The following NEK10 variants were observed in gnomAD, a reference collection of about 807,000 sequenced individuals.
The protein encoded by NEK10 is serine/threonine-protein kinase Nek10.
Under a neutral mutation model 159.8 loss-of-function variants are expected in NEK10, and 122 were observed. That is an observed-to-expected ratio of 0.76 (90% CI 0.66 to 0.89). NEK10 has a LOEUF of 0.89. Among genes scored for constraint, NEK10 ranks in the 40% least tolerant of loss-of-function variants. NEK10 has a pLI of 0.00. For synonymous variants in NEK10, 466 were observed against 457.1 expected, an observed-to-expected ratio of 1.02 and a Z score of -0.25; for missense variants, 1,342 against 1,323.1, an observed-to-expected ratio of 1.01 and a Z score of -0.22.
At chr3:27,274,102 C>T (rs748077126) in intron 22 of NEK10, among the ~76,000 whole-genome samples, 35 of 152,114 alleles carry the variant, frequency 2.3e-4, no homozygotes, top group Non-Finnish European at 4.3e-4. Flanking sequence ...AAAGAGTAGG[C>T]GGCAGGTGTT....
chr3:27,278,857 T>C, intron 22 of NEK10: 1 of 984,920 alleles, frequency 1.0e-6, no homozygotes, highest in Non-Finnish European at 1.2e-6. Flanking sequence ...ATGGACCTTA[T>C]TTGGCAAGTG....
intron 18 of NEK10, 136 bp from the exon 19 acceptor site, chr3:27,290,890 G>A (rs1210609770): frequency 1.5e-6 from 1 of 682,372 alleles, no homozygotes; most frequent in African/African-American, 1.9e-5. Context: ...AGCATTTAAA[G>A]TTCCAGCTGT....
chr3:27,258,463 A>G (rs1209991635), intron 22 of NEK10, among the ~76,000 whole-genome samples: 1 of 149,294 alleles, frequency 6.7e-6, no homozygotes, highest in African/African-American at 2.5e-5. Context: ...GAGTGAGAAC[A>G]TGCGGTGTTT....
intron 1 of NEK10, among the ~76,000 whole-genome samples, chr3:27,359,201 CAAAAAAAA>C (rs5847459): frequency 7.4e-6 from 1 of 135,110 alleles, no homozygotes; most frequent in Non-Finnish European, 1.6e-5. Flanking sequence ...AACTCCATTT[CAAAAAAAA>C]AAAAAAAATC....
At chr3:27,119,160 C>A (rs1386731466) in intron 33 of NEK10, among the ~76,000 whole-genome samples, 1 of 152,166 alleles carries the variant, frequency 6.6e-6, no homozygotes, top group Non-Finnish European at 1.5e-5. Flanking sequence ...TCACTATAAC[C>A]TTGTGATGCA....
intron 5 of NEK10, among the ~76,000 whole-genome samples, chr3:27,335,404 T>C (rs571477069): frequency 4.1e-5 from 6 of 148,006 alleles, no homozygotes; most frequent in African/African-American, 1.5e-4. Flanking sequence ...AATACAATAA[T>C]AGCGAGGGAC....
At position 27,346,163 on chromosome 3, in the gene NEK10, G is replaced by A. The variant is rs779699091; in HGVS notation, c.186C>T (p.Pro62=). ...SAQNSMTKSE[P]AIRAGGHRAR... is the part of the protein sequence containing the mutation. The stretch of plus-strand genomic sequence containing the variant: ...CTCTGTGTCCACCCGCCCTGATGGC[G>A]GGCTCAGACTTCGTCATGCTATTTT... The change falls in exon 4 of 36, where the codon CCC becomes CCT. Residue 62 remains proline (P), a synonymous_variant. Transcript: ENST00000691995. 3.7e-5 allele frequency: 60 copies of A among 1,613,544 alleles called. No homozygotes were observed. The highest frequency in any genetic ancestry group is 3.3e-4 in the Middle Eastern group (2 of 6,082).
intron 31 of NEK10, among the ~76,000 whole-genome samples, chr3:27,134,977 G>A (rs1943034489): frequency 6.6e-6 from 1 of 152,244 alleles, no homozygotes; most frequent in Admixed American, 6.5e-5. Context: ...TATAAAGCAA[G>A]TACTATTTTA....
chr3:27,162,701 C>T lies in NEK10; in HGVS notation c.2869G>A (p.Ala957Thr). 2 of 1,613,868 alleles carry T rather than the reference C, an allele frequency of 1.2e-6. No homozygotes were observed. The highest frequency in any genetic ancestry group is 1.7e-6 in the Non-Finnish European group (2 of 1,179,802). ...TTTATTGCTACCAACACTAAGTTAC[C>T]TGGTCTTGGTCTTGATCCTGTTCCT... ...TGGTGSRPRP[A>T]SAGIAVSQRK... The change falls in exon 30 of 36, where the codon GCA (alanine) becomes ACA (threonine). Residue 957 changes from alanine to threonine, a missense_variant and splice_region_variant. Coordinates refer to ENST00000691995, the MANE Select transcript of NEK10 (RefSeq NM_001394966.1).
chr3:27,291,543 GC>G lies in NEK10; in HGVS notation c.1416del (p.His473IlefsTer16), dbSNP rs770966727. 6.2e-7 allele frequency: 1 copy of G among 1,610,040 alleles called. No individual in the cohort carries two copies. The highest frequency in any genetic ancestry group is 8.5e-7 in the Non-Finnish European group (1 of 1,176,330). ...TDLFEIFIDI[G>X]HYVRDISAYE... The stretch of plus-strand genomic sequence containing the variant: ...TAAGCACTGATATCACGTACATAAT[GC>G]CCTATGTCAATGAAGATCTCAAACA... On this transcript the variant is annotated frameshift_variant, in exon 17 of 36. Coordinates refer to ENST00000691995, the MANE Select transcript of NEK10 (RefSeq NM_001394966.1). LOFTEE classifies it high-confidence loss of function.
At chr3:27,255,969 G>A (rs1396076761) in intron 23 of NEK10, among the ~76,000 whole-genome samples, 2 of 152,092 alleles carry the variant, frequency 1.3e-5, no homozygotes, top group African/African-American at 4.8e-5. Context: ...ATCATGTTGG[G>A]TAGCATATCT....
intron 29 of NEK10, among the ~76,000 whole-genome samples, chr3:27,170,496 C>G (rs1946871575): frequency 6.6e-6 from 1 of 152,182 alleles, no homozygotes; most frequent in Non-Finnish European, 1.5e-5. Context: ...CTTTGGGAGG[C>G]TAAGGTGGGT....
At chr3:27,185,765 C>G (rs979558014) in intron 26 of NEK10, among the ~76,000 whole-genome samples, 2 of 152,214 alleles carry the variant, frequency 1.3e-5, no homozygotes, top group African/African-American at 4.8e-5. Flanking sequence ...ACCCCACCCC[C>G]AGTACACACA....
At chr3:27,245,706 A>G (rs1954991160) in intron 23 of NEK10, among the ~76,000 whole-genome samples, 1 of 152,202 alleles carries the variant, frequency 6.6e-6, no homozygotes, top group Non-Finnish European at 1.5e-5. Context: ...TTATGCATCC[A>G]ATACATATCT....
At chr3:27,242,376 C>T (rs1007859579) in intron 23 of NEK10, among the ~76,000 whole-genome samples, 1 of 152,182 alleles carries the variant, frequency 6.6e-6, no homozygotes, top group Non-Finnish European at 1.5e-5. Context: ...TCCATCCATC[C>T]AACTATCTTC....
chr3:27,116,030 G>C (rs750474940), intron 34 of NEK10, 35 bp from the exon 35 acceptor site: 72 of 1,611,890 alleles, frequency 4.5e-5, no homozygotes, highest in Non-Finnish European at 5.9e-5. Flanking sequence ...TATTGAATTA[G>C]AAGTAACAAA....
chr3:27,285,100 A>G (rs2042479908), intron 20 of NEK10, 139 bp from the exon 21 acceptor site: 1 of 658,004 alleles, frequency 1.5e-6, no homozygotes, highest in African/African-American at 1.8e-5. Context: ...GTGCTAAAAT[A>G]TGGATCCACT....
At chr3:27,286,079 CTTTTTTTT>C (rs35663067) in intron 20 of NEK10, among the ~76,000 whole-genome samples, 1 of 57,710 alleles carries the variant, frequency 1.7e-5, no homozygotes, top group African/African-American at 7.8e-5. Flanking sequence ...ATTTCCAATT[CTTTTTTTT>C]TTTTTTTTTT....
chr3:27,167,440 C>T (rs1178252968), intron 29 of NEK10, among the ~76,000 whole-genome samples: 1 of 152,104 alleles, frequency 6.6e-6, no homozygotes, highest in African/African-American at 2.4e-5. Flanking sequence ...TTAAGATGGT[C>T]GTAAAACAAT....
Sources: gnomAD v4.1 joint callset for allele counts (sites outside exome capture counted in the v4.1 genomes callset) on GRCh38, gnomAD v4.1.1 for gene constraint, MANE v1.5 for transcripts, NCBI Gene and HGNC (gene_info 2026-07-23, HGNC 2026-07-21) for gene names.